The following RIF1 variants were observed in gnomAD, a reference collection of about 807,000 sequenced individuals.
The protein encoded by RIF1 is replication timing regulatory factor 1, also known as telomere-associated protein RIF1.
In RIF1, 45 loss-of-function variants were observed where a neutral mutation model predicts 247.1. That is an observed-to-expected ratio of 0.18 (90% CI 0.14 to 0.23). The LOEUF is 0.23. Ranked by LOEUF, RIF1 falls within the 10% of genes least tolerant of loss-of-function variation. The pLI is 1.00. For synonymous variants in RIF1, 1,087 were observed against 978.8 expected (o/e 1.11, Z -2.06); for missense variants, 2,967 against 2,862.5 (o/e 1.04, Z -0.83).
At position 151,475,235 on chromosome 2, in the gene RIF1, T is replaced by TA; in HGVS notation, c.*166dup. 1.7e-6 allele frequency: 1 copy of TA among 601,166 alleles called. No individual in the cohort carries two copies. The highest frequency in any genetic ancestry group is 2.9e-6 in the Non-Finnish European group (1 of 344,916). The allele number at this position is 601,166 out of a possible 1,614,324, so 37.2% of individuals were successfully genotyped here. A position where few individuals can be genotyped will look rare whatever the true frequency, so the allele number is the denominator to read the frequency against. On this transcript the variant is annotated 3_prime_UTR_variant, in exon 36 of 36. Transcript: ENST00000444746. ...GACTTATTATGTAAGTTCAATTTTGTAAGTTCATTATGTAAGATCCTTTTT... is the reference window on the plus strand; with the variant it reads ...GACTTATTATGTAAGTTCAATTTTGTAAAGTTCATTATGTAAGATCCTTTTT...
chr2:151,468,747 C>T lies in RIF1; in HGVS notation c.6932C>T (p.Ser2311Leu). ...GACATCATTTTACCTCAGATTACAT[C>T]AAACATGTGGTAAGTGGTTATTTAG... The part of the protein sequence containing the change: ...PVDIILPQIT[S>L]NMWARGLGQL... Residue 2311 changes from serine to leucine, a missense_variant, in exon 33 of 36, where the codon TCA (serine) becomes TTA (leucine). Ser to Leu is a moderately radical substitution (Grantham distance 145). Coordinates refer to ENST00000444746, the MANE Select transcript of RIF1 (RefSeq NM_018151.5). 1 of 1,607,826 alleles carries T rather than the reference C, an allele frequency of 6.2e-7. No individual in the cohort carries two copies. The highest frequency in any genetic ancestry group is 2.2e-5 in the East Asian group (1 of 44,834).
intron 19 of RIF1, 87 bp downstream of exon 19, chr2:151,445,532 A>G: frequency 1.3e-6 from 1 of 779,006 alleles, no homozygotes; most frequent in South Asian, 1.5e-5. Context: ...TTCCACAATG[A>G]TTTGTTTTTC....
chr2:151,473,924 T>C, intron 34 of RIF1, 40 bp from the exon 35 acceptor site: 1 of 967,378 alleles, frequency 1.0e-6, no homozygotes, highest in Non-Finnish European at 1.7e-6. Context: ...TTTGTTGTTG[T>C]TGTTGTTTTG....
chr2:151,465,410 G>T lies in RIF1; in HGVS notation c.5890G>T (p.Val1964Leu). The T allele has an allele frequency of 6.2e-7, 1 of 1,613,692 alleles. No homozygotes were observed. The highest frequency in any genetic ancestry group is 1.7e-4 in the Middle Eastern group (1 of 6,058). ...CACAGCTAAACTGAATGCCAAAGAA[G>T]TAGCAACTGAGGAATTTAATTCAGA... ...ADTAKLNAKE[V>L]ATEEFNSDIS... Residue 1964 changes from valine to leucine, a missense_variant, in exon 30 of 36, where the codon GTA (valine) becomes TTA (leucine). By Grantham distance (32) the Val-to-Leu change is conservative. Coordinates refer to ENST00000444746, the MANE Select transcript of RIF1 (RefSeq NM_018151.5).
chr2:151,485,666 A>G, downstream of RIF1: 1 of 1,229,318 alleles, frequency 8.1e-7, no homozygotes, highest in Admixed American at 2.3e-5. Context: ...AACCATAGGC[A>G]GCTTGAGAAC....
intron 12 of RIF1, chr2:151,503,541 T>C (rs1477461078): frequency 1.4e-6 from 1 of 722,124 alleles, no homozygotes; most frequent in African/African-American, 1.8e-5. Flanking sequence ...ATAAAAACAA[T>C]CTAGCTCTCA....
chr2:151,435,409 A>T, intron 10 of RIF1, 54 bp from the exon 11 acceptor site: 1 of 1,000,050 alleles, frequency 1.0e-6, no homozygotes, highest in Non-Finnish European at 1.6e-6. Flanking sequence ...TGAGGCTTTT[A>T]AAAACTGTGA....
At chr2:151,506,095 C>T (rs566056296) in intron 12 of RIF1, 1 of 1,298,254 alleles carries the variant, frequency 7.7e-7, no homozygotes, top group African/African-American at 1.5e-5. Flanking sequence ...GCTTTGAGTG[C>T]AACTCATAGG....
intron 24 of RIF1, among the ~76,000 whole-genome samples, chr2:151,458,225 G>GTTTTTTTTTTTTTTTTTTTTTTT (rs1559002529): frequency 8.7e-6 from 1 of 115,200 alleles, no homozygotes; most frequent in African/African-American, 3.0e-5. Flanking sequence ...GGAAATAGAT[G>GTTTTTTTTTTTTTTTTTTTTTTT]ATTTTTTTTT....
intron 26 of RIF1, 129 bp downstream of exon 26, chr2:151,460,248 C>T (rs1695915480): frequency 4.2e-6 from 3 of 706,992 alleles, no homozygotes; most frequent in Admixed American, 3.8e-5. Flanking sequence ...GAATTGAGGG[C>T]ATTTGATGTA....
chr2:151,423,028 A>G lies in RIF1; in HGVS notation c.772A>G (p.Lys258Glu). The G allele has an allele frequency of 6.3e-7, 1 of 1,577,296 alleles. No individual in the cohort carries two copies. The highest frequency in any genetic ancestry group is 1.3e-5 in the African/African-American group (1 of 74,186). Residue 258 changes from lysine (K) to glutamate (E), a missense_variant, in exon 8 of 36, where the codon AAA becomes GAA. Lys to Glu is a moderately conservative substitution (Grantham distance 56). Transcript: ENST00000444746. ...GTTAAAATTATGGCCTTTGTTTGTCAAACTACTTGGAAGGGTAAGTGCCCA... is the reference window on the plus strand; with the variant it reads ...GTTAAAATTATGGCCTTTGTTTGTCGAACTACTTGGAAGGGTAAGTGCCCA... ...YVLKLWPLFV[K>E]LLGRTLHRSG...
rs1036083346 is a variant in RIF1, at chr2:151,498,400, A to ATTTT, written c.*514-944_*514-941dup. On this transcript the variant is annotated intron_variant and NMD_transcript_variant, in intron 10 of 13. Coordinates refer to the RIF1 transcript ENST00000454583. The stretch of plus-strand genomic sequence containing the variant: ...GAACAAAAAAAGCAATCAATCAGTC[A>ATTTT]TTTTCCCCCTGCTTTGGAGCAGTTG... 3 of 1,368,734 alleles carry ATTTT rather than the reference A, an allele frequency of 2.2e-6. No homozygotes were observed. In the African/African-American group the frequency reaches 4.4e-5, roughly 20 times the overall value. The allele number at this position is 1,368,734 out of a possible 1,614,324, so 84.8% of individuals were successfully genotyped here.
At chr2:151,524,635 T>C in the RIF1 span, 1 of 853,530 alleles carries the variant, frequency 1.2e-6, no homozygotes, top group Non-Finnish European at 1.9e-6. Context: ...GGGAAGAAAA[T>C]GTTTACTCAA....
chr2:151,466,201 A>AC (rs1696845222), intron 30 of RIF1, 81 bp downstream of exon 30: 1 of 712,834 alleles, frequency 1.4e-6, no homozygotes, highest in Non-Finnish European at 2.4e-6. Context: ...CTGGTGAATG[A>AC]CAAAATATTA....
At chr2:151,526,280 G>T in the RIF1 span, 1 of 1,546,026 alleles carries the variant, frequency 6.5e-7, no homozygotes, top group South Asian at 1.1e-5. Context: ...GGCAGGAAAA[G>T]GGGCATTTCT....
intron 10 of RIF1, chr2:151,496,204 T>TA: frequency 7.2e-7 from 1 of 1,390,602 alleles, no homozygotes; most frequent in Non-Finnish European, 1.0e-6. Context: ...GTAGGATTAA[T>TA]ATGTATTATT....
rs1244975695 is a variant in RIF1 at position 151,414,891 on chromosome 2, T to C, written c.252T>C (p.Tyr84=). 3.1e-6 allele frequency: 5 copies of C among 1,612,008 alleles called. No individual in the cohort carries two copies. Among genetic ancestry groups the C allele is most frequent in the Middle Eastern group, 1.7e-4 (1 of 6,000 alleles). Residue 84 remains tyrosine, a synonymous_variant, in exon 4 of 36, where the codon TAT becomes TAC. Transcript: ENST00000444746. ...AALQALGFCL[Y]NPKITSELSE... ...TACAAGCCCTGGGGTTTTGCTTATATAATCCCAAAATTACCTCAGAATTAT... is the reference window on the plus strand; with the variant it reads ...TACAAGCCCTGGGGTTTTGCTTATACAATCCCAAAATTACCTCAGAATTAT...
the RIF1 span, among the ~76,000 whole-genome samples, chr2:151,513,905 G>A: frequency 6.6e-6 from 1 of 152,094 alleles, no homozygotes; most frequent in African/African-American, 2.4e-5. Context: ...AGTCAGTATG[G>A]GTCAACAGAG....
the RIF1 span, among the ~76,000 whole-genome samples, chr2:151,517,217 G>A: frequency 6.6e-6 from 1 of 152,166 alleles, no homozygotes; most frequent in Non-Finnish European, 1.5e-5. Flanking sequence ...CATAACATGT[G>A]GTTAAGAATC....
Sources: allele counts gnomAD v4.1 joint callset (sites outside exome capture counted in the v4.1 genomes callset), GRCh38; gene constraint gnomAD v4.1.1; transcripts MANE v1.5; gene names NCBI Gene and HGNC (gene_info 2026-07-23, HGNC 2026-07-21).